SLC41A2: variants seen among roughly 807,000 people sequenced by gnomAD.
The protein encoded by SLC41A2 is SLC41A1-like 1.
Under a neutral mutation model 58.3 loss-of-function variants are expected in SLC41A2, and 32 were observed. The ratio of observed to expected loss-of-function variants is 0.55; its 90% confidence interval spans 0.41 to 0.74. The LOEUF is 0.74. Among genes scored for constraint, SLC41A2 ranks in the 30% least tolerant of loss-of-function variants. The pLI is 0.00. For missense variants in SLC41A2, 514 were observed against 680.6 expected (o/e 0.76, Z 2.72); for synonymous variants, 190 against 235.0 (o/e 0.81, Z 1.75).
rs1279174862 is a variant in SLC41A2, at chr12:104,861,189, G to A, written c.1255+102C>T. On this transcript the variant is annotated intron_variant, in intron 8 of 10. Coordinates refer to ENST00000258538, the MANE Select transcript of SLC41A2 (RefSeq NM_001352171.3). Reference sequence around the variant, plus strand: ...GGAGGCAGAATGGTTGGGATGGGAGGACAGACCTCTTGAATCTGAGCCCTA... The same window carrying A: ...GGAGGCAGAATGGTTGGGATGGGAGAACAGACCTCTTGAATCTGAGCCCTA... The A allele has an allele frequency of 6.7e-6, 5 of 750,698 alleles. No homozygotes were observed. In the Admixed American group the frequency reaches 8.2e-5, roughly 12 times the overall value. 46.5% of individuals were successfully genotyped at this position (750,698 alleles called of 1,614,324 possible). A position where few individuals can be genotyped will look rare whatever the true frequency, so the allele number is the denominator to read the frequency against.
intron 10 of SLC41A2, among the ~76,000 whole-genome samples, chr12:104,823,189 T>C (rs2041708124): frequency 6.6e-6 from 1 of 152,118 alleles, no homozygotes; most frequent in South Asian, 2.1e-4. Flanking sequence ...ATGCCAAAAC[T>C]CTATGTTGAG....
intron 4 of SLC41A2, among the ~76,000 whole-genome samples, chr12:104,894,936 A>G (rs988580288): frequency 3.3e-5 from 5 of 152,190 alleles, no homozygotes; most frequent in Admixed American, 2.6e-4. Context: ...CAAAGTAAAA[A>G]ATAGCACTTA....
At chr12:104,942,049 C>T (rs2047530272) in intron 1 of SLC41A2, among the ~76,000 whole-genome samples, 1 of 152,064 alleles carries the variant, frequency 6.6e-6, no homozygotes, top group Admixed American at 6.5e-5. Context: ...AATTAGAGAA[C>T]TCTATTTTGA....
chr12:104,919,375 C>G (rs932559568), intron 2 of SLC41A2, among the ~76,000 whole-genome samples: 1 of 152,188 alleles, frequency 6.6e-6, no homozygotes, highest in Non-Finnish European at 1.5e-5. Flanking sequence ...AATGCAGTTG[C>G]TATGTCACAT....
intron 3 of SLC41A2, among the ~76,000 whole-genome samples, chr12:104,896,789 T>C (rs189357579): frequency 1.7e-4 from 26 of 152,332 alleles, no homozygotes; most frequent in African/African-American, 5.8e-4. Flanking sequence ...CAGTCCCTTC[T>C]AAGGCTTGGA....
intron 6 of SLC41A2, among the ~76,000 whole-genome samples, chr12:104,878,618 A>G (rs967735621): frequency 1.3e-5 from 2 of 152,002 alleles, no homozygotes; most frequent in Non-Finnish European, 2.9e-5. Context: ...CAGCTTCATC[A>G]ATGTCCCTAC....
chr12:104,928,924 A>T lies in SLC41A2; in HGVS notation c.-167-230T>A, dbSNP rs977527637. Among the ~76,000 whole-genome samples, 6 of 152,318 alleles carry T rather than the reference A, an allele frequency of 3.9e-5. No individual in the cohort carries two copies. The South Asian group carries it at 1.2e-3, about 32-fold the overall frequency. On this transcript the variant is annotated intron_variant, in intron 1 of 10. Transcript: ENST00000258538. ...TTTGTGCTCAATCTTGGTTAAAAGTATTTCTTATCTTTGCATACTTTATGT... is the reference window on the plus strand; with the variant it reads ...TTTGTGCTCAATCTTGGTTAAAAGTTTTTCTTATCTTTGCATACTTTATGT...
chr12:104,813,256 C>T (rs1297989800), intron 10 of SLC41A2, among the ~76,000 whole-genome samples: 1 of 151,492 alleles, frequency 6.6e-6, no homozygotes, highest in Non-Finnish European at 1.5e-5. Flanking sequence ...TAATGATCTC[C>T]AGAAGAAAAT....
At chr12:104,946,697 A>T (rs182299421) in intron 1 of SLC41A2, among the ~76,000 whole-genome samples, 196 of 152,350 alleles carry the variant, frequency 1.3e-3, no homozygotes, top group Non-Finnish European at 2.3e-3. Flanking sequence ...GATGTTTGCA[A>T]TGCTTTCATT....
At chr12:104,919,812 C>T (rs2046507067) in intron 2 of SLC41A2, among the ~76,000 whole-genome samples, 1 of 152,106 alleles carries the variant, frequency 6.6e-6, no homozygotes, top group African/African-American at 2.4e-5. Context: ...TCAGAGTAAA[C>T]TGTTTCTTTT....
chr12:104,828,081 C>T (rs191301052), intron 10 of SLC41A2, among the ~76,000 whole-genome samples: 221 of 152,246 alleles, frequency 1.5e-3, no homozygotes, highest in Middle Eastern at 0.01. Context: ...TATAAAAACC[C>T]TGAGACCCTA....
chr12:104,864,644 C>T (rs2043347333), intron 7 of SLC41A2, among the ~76,000 whole-genome samples: 1 of 152,050 alleles, frequency 6.6e-6, no homozygotes, highest in South Asian at 2.1e-4. Context: ...TATCATTCAC[C>T]TCCTATTGTC....
chr12:104,886,453 T>A lies in SLC41A2; in HGVS notation c.881-14A>T. On this transcript the variant is annotated splice_polypyrimidine_tract_variant and intron_variant, in intron 5 of 10. Coordinates refer to ENST00000258538, the MANE Select transcript of SLC41A2 (RefSeq NM_001352171.3). Reference sequence around the variant, plus strand: ...CCATTATTATTCCTAGAAGAAAGAATGTTCATTACTTTTTAGGCTATGATT... The same window carrying A: ...CCATTATTATTCCTAGAAGAAAGAAAGTTCATTACTTTTTAGGCTATGATT... 6.2e-7 allele frequency: 1 copy of A among 1,609,702 alleles called. No individual in the cohort carries two copies. The highest frequency in any genetic ancestry group is 8.5e-7 in the Non-Finnish European group (1 of 1,177,070).
At chr12:104,955,218 G>A (rs2048116213) in intron 1 of SLC41A2, among the ~76,000 whole-genome samples, 2 of 151,948 alleles carry the variant, frequency 1.3e-5, no homozygotes, top group South Asian at 4.2e-4. Flanking sequence ...GTTTCACCAT[G>A]TTGGCCAGTC....
chr12:104,920,536 G>T (rs1001561233), intron 2 of SLC41A2, among the ~76,000 whole-genome samples: 1 of 151,772 alleles, frequency 6.6e-6, no homozygotes, highest in African/African-American at 2.4e-5. Flanking sequence ...AAGAGTCGGT[G>T]AGCTATTTGA....
chr12:104,953,396 C>T (rs2048029355), intron 1 of SLC41A2, among the ~76,000 whole-genome samples: 1 of 152,184 alleles, frequency 6.6e-6, no homozygotes, highest in African/African-American at 2.4e-5. Context: ...TAGGAGAAAA[C>T]AAGATTAAAG....
chr12:104,905,651 C>G (rs569883913), intron 3 of SLC41A2, among the ~76,000 whole-genome samples: 1 of 152,356 alleles, frequency 6.6e-6, no homozygotes, highest in African/African-American at 2.4e-5. Context: ...GTCCTGAGCC[C>G]TGCCCCGTGG....
At chr12:104,847,784 T>C (rs898032519) in intron 8 of SLC41A2, among the ~76,000 whole-genome samples, 3 of 152,158 alleles carry the variant, frequency 2.0e-5, no homozygotes, top group African/African-American at 7.2e-5. Flanking sequence ...AAACAGACTG[T>C]AAGCGAAATG....
chr12:104,933,572 T>C (rs79988763), intron 1 of SLC41A2, among the ~76,000 whole-genome samples: 14,703 of 151,958 alleles, frequency 0.097, 1,125 homozygotes, highest in East Asian at 0.26. Context: ...AAAAAGACAC[T>C]TGCACGCGTA....
Sources: gnomAD v4.1 joint callset for allele counts (sites outside exome capture counted in the v4.1 genomes callset) on GRCh38, gnomAD v4.1.1 for gene constraint, MANE v1.5 for transcripts, NCBI Gene and HGNC (gene_info 2026-07-23, HGNC 2026-07-21) for gene names.